ADGRL3: variants seen among roughly 807,000 people sequenced by gnomAD.
ADGRL3 encodes calcium-independent alpha-latrotoxin receptor 3.
ADGRL3 carries 62 observed loss-of-function variants against 153.5 expected under a neutral mutation model. The observed-to-expected ratio is 0.40, with a 90% confidence interval of 0.33 to 0.50. ADGRL3 has a LOEUF of 0.50. ADGRL3 is among the 20% of genes least tolerant of loss of function. The pLI is 0.47. For missense variants in ADGRL3, 1,641 were observed against 1,859.4 expected, an observed-to-expected ratio of 0.88 and a Z score of 2.16; for synonymous variants, 710 against 672.5, an observed-to-expected ratio of 1.06 and a Z score of -0.86.
intron 5 of ADGRL3, among the ~76,000 whole-genome samples, chr4:61,609,833 T>C (rs1488750570): frequency 6.6e-6 from 1 of 152,112 alleles, no homozygotes; most frequent in East Asian, 1.9e-4. Context: ...CATTTTTTAA[T>C]ATACGGAATA....
intron 13 of ADGRL3, among the ~76,000 whole-genome samples, chr4:61,913,880 AT>A (rs1214454139): frequency 2.0e-5 from 3 of 152,190 alleles, no homozygotes; most frequent in Non-Finnish European, 4.4e-5. Context: ...GAATGGAAAT[AT>A]CTCTGTGTGC....
At chr4:61,839,484 CTGT>C (rs1420679650) in intron 9 of ADGRL3, among the ~76,000 whole-genome samples, 1 of 152,108 alleles carries the variant, frequency 6.6e-6, no homozygotes, top group Non-Finnish European at 1.5e-5. Context: ...GAATGAGCCA[CTGT>C]ACCTGGCCAT....
In ADGRL3 at chr4:61,904,666, A is replaced by G. The variant is rs144930337; in HGVS notation, c.1888-4894A>G. Among the ~76,000 whole-genome samples the G allele has an allele frequency of 7.2e-5, 7 of 97,256 alleles. No homozygotes were observed. The East Asian group carries it at 9.6e-4, about 13-fold the overall frequency. The allele number at this position is 97,256 out of a possible 152,430, so 63.8% of individuals were successfully genotyped here. ...AATTAATATTGAAAACTATGTTTGT[A>G]TAACTACACAGAAAAAAAAAAAGAA... On this transcript the variant is annotated intron_variant, in intron 11 of 26. Coordinates refer to ENST00000683033, the MANE Select transcript of ADGRL3 (RefSeq NM_001387552.1).
At chr4:61,467,498 G>C (rs1305963810) in intron 2 of ADGRL3, among the ~76,000 whole-genome samples, 1 of 151,820 alleles carries the variant, frequency 6.6e-6, no homozygotes, top group African/African-American at 2.4e-5. Flanking sequence ...GTGAGAGAGA[G>C]AGAGAGAGAT....
chr4:61,751,615 T>C (rs927696920), intron 8 of ADGRL3, among the ~76,000 whole-genome samples: 3 of 152,052 alleles, frequency 2.0e-5, no homozygotes, highest in Non-Finnish European at 2.9e-5. Flanking sequence ...TTAGACAAAT[T>C]TGAAAAAACG....
rs139025129 is a variant in ADGRL3, at chr4:61,308,381, T to C, written c.-239-74743T>C. On this transcript the variant is annotated intron_variant, in intron 1 of 26. Transcript: ENST00000683033. ...GTGACAGTGAGAAGAGAGGAAGGGA[T>C]AAAAGTATCCTCCCTGTATTAATTG... 2.0e-5 allele frequency among the ~76,000 whole-genome samples: 3 copies of C among 152,304 alleles called. No individual in the cohort carries two copies. The East Asian group carries it at 5.8e-4, about 29-fold the overall frequency.
At chr4:61,563,760 A>T (rs1303228967) in intron 4 of ADGRL3, among the ~76,000 whole-genome samples, 1 of 152,180 alleles carries the variant, frequency 6.6e-6, no homozygotes, top group Admixed American at 6.5e-5. Context: ...CTGTAATCCC[A>T]GCACTTTGGG....
At chr4:61,390,169 A>T (rs1469553424) in intron 2 of ADGRL3, among the ~76,000 whole-genome samples, 1 of 152,218 alleles carries the variant, frequency 6.6e-6, no homozygotes, top group Non-Finnish European at 1.5e-5. Context: ...AATGTTTATT[A>T]CTAGATTTTT....
chr4:61,611,911 C>T lies in ADGRL3; in HGVS notation c.473+24471C>T, dbSNP rs2091405791. ...CTCCAGCTAGGTGACAGAGTAAGATCGTGTCTAAAAAATATATATATATTA... is the reference window on the plus strand; with the variant it reads ...CTCCAGCTAGGTGACAGAGTAAGATTGTGTCTAAAAAATATATATATATTA... On this transcript the variant is annotated intron_variant, in intron 5 of 26. Coordinates refer to ENST00000683033, the MANE Select transcript of ADGRL3 (RefSeq NM_001387552.1). Among the ~76,000 whole-genome samples the T allele has an allele frequency of 4.0e-5, 6 of 151,896 alleles. No individual in the cohort carries two copies. In the South Asian group the frequency reaches 1.2e-3, roughly 32 times the overall value.
intron 1 of ADGRL3, among the ~76,000 whole-genome samples, chr4:61,229,369 C>A (rs1335812963): frequency 6.6e-6 from 1 of 152,120 alleles, no homozygotes; most frequent in Non-Finnish European, 1.5e-5. Context: ...ATTAATAAGT[C>A]AATGAAAGTA....
At chr4:61,849,359 C>CTTT (rs2098174146) in intron 9 of ADGRL3, among the ~76,000 whole-genome samples, 1 of 152,134 alleles carries the variant, frequency 6.6e-6, no homozygotes, top group South Asian at 2.1e-4. Flanking sequence ...TTCCTTAGGG[C>CTTT]ACAAAATCTA....
chr4:61,618,903 G>A (rs1371304875), intron 5 of ADGRL3, among the ~76,000 whole-genome samples: 2 of 152,032 alleles, frequency 1.3e-5, no homozygotes, highest in Non-Finnish European at 2.9e-5. Context: ...GTTTTTTGTG[G>A]AGACAGGGTT....
chr4:61,256,234 A>G (rs188911431), intron 1 of ADGRL3, among the ~76,000 whole-genome samples: 3 of 152,274 alleles, frequency 2.0e-5, no homozygotes, highest in African/African-American at 4.8e-5. Context: ...CAACATAACA[A>G]TTGGTTGTTT....
chr4:61,544,572 C>G lies in ADGRL3; in HGVS notation c.259+27054C>G, dbSNP rs916480468. Among the ~76,000 whole-genome samples, 11 of 152,106 alleles carry G rather than the reference C, an allele frequency of 7.2e-5. 1 individual carries two copies. The highest frequency in any genetic ancestry group is 3.3e-4 in the Admixed American group (5 of 15,268). On this transcript the variant is annotated intron_variant, in intron 4 of 26. Transcript: ENST00000683033. ...GTAATCAGAAAATTCTGTTTTTTCCCTTTTGGTTTTATATTTGCAAGTATT... is the reference window on the plus strand; with the variant it reads ...GTAATCAGAAAATTCTGTTTTTTCCGTTTTGGTTTTATATTTGCAAGTATT...
At chr4:61,550,782 T>C (rs1245246945) in intron 4 of ADGRL3, among the ~76,000 whole-genome samples, 1 of 152,028 alleles carries the variant, frequency 6.6e-6, no homozygotes, top group Non-Finnish European at 1.5e-5. Context: ...ATTTGTGAAG[T>C]GAATTGATTT....
intron 13 of ADGRL3, among the ~76,000 whole-genome samples, chr4:61,917,623 G>A (rs1327004864): frequency 2.0e-5 from 3 of 148,984 alleles, no homozygotes; most frequent in Non-Finnish European, 4.4e-5. Flanking sequence ...GTGATTTTCT[G>A]TCTTTCTTAT....
intron 1 of ADGRL3, among the ~76,000 whole-genome samples, chr4:61,242,014 C>T (rs1755165785): frequency 6.6e-6 from 1 of 152,054 alleles, no homozygotes. Flanking sequence ...ATCCCTCCAG[C>T]TTCCTCTCAC....
chr4:62,070,759 C>T lies in ADGRL3; in HGVS notation c.4483C>T (p.Leu1495=). ...EDVYYKSMPN[L]GSRNHVHQLH... is the part of the protein sequence containing the mutation. ...TGTTTACTACAAAAGCATGCCAAAC[C>T]TAGGCTCCAGAAACCACGTCCATCA... The change falls in exon 27 of 27, where the codon CTA becomes TTA. Residue 1495 remains leucine, a synonymous_variant. Coordinates refer to ENST00000683033, the MANE Select transcript of ADGRL3 (RefSeq NM_001387552.1). 2.6e-6 allele frequency: 4 copies of T among 1,551,634 alleles called. No homozygotes were observed. Among genetic ancestry groups the T allele is most frequent in the Non-Finnish European group, 3.5e-6 (4 of 1,146,978 alleles).
In ADGRL3 at chr4:62,011,113, A is replaced by C. The variant is rs187095341; in HGVS notation, c.3395+12848A>C. ...CAAGAAATAAGATTTGGAACTGTAC[A>C]TTCAAAAATAAAGTATTTGATTCCA... On this transcript the variant is annotated intron_variant, in intron 21 of 26. Coordinates refer to ENST00000683033, the MANE Select transcript of ADGRL3 (RefSeq NM_001387552.1). Among the ~76,000 whole-genome samples the C allele has an allele frequency of 2.0e-3, 309 of 152,278 alleles. 2 individuals are homozygous for C. The highest frequency in any genetic ancestry group is 7.2e-3 in the African/African-American group (300 of 41,582).
Sources: gnomAD v4.1 joint callset for allele counts (sites outside exome capture counted in the v4.1 genomes callset) on GRCh38, gnomAD v4.1.1 for gene constraint, MANE v1.5 for transcripts, NCBI Gene and HGNC (gene_info 2026-07-23, HGNC 2026-07-21) for gene names.